The following SEC24A variants were observed in gnomAD, a reference collection of about 807,000 sequenced individuals.
SEC24A encodes the protein SEC24 homolog A, COPII component.
Under a neutral mutation model 129.4 loss-of-function variants are expected in SEC24A, and 93 were observed. That is an observed-to-expected ratio of 0.72 (90% CI 0.61 to 0.85). SEC24A has a LOEUF of 0.85. Ranked by LOEUF, SEC24A falls within the 40% of genes least tolerant of loss-of-function variation. The pLI, the probability that SEC24A is intolerant of heterozygous loss-of-function variation, is 0.00. For missense variants in SEC24A, 1,264 were observed against 1,307.4 expected, an observed-to-expected ratio of 0.97 and a Z score of 0.51; for synonymous variants, 460 against 467.3, an observed-to-expected ratio of 0.98 and a Z score of 0.20.
chr5:134,699,301 C>CGTTTTTTTTTTTTTTTTTTT (rs1429369613), intron 15 of SEC24A, among the ~76,000 whole-genome samples: 4 of 138,370 alleles, frequency 2.9e-5, no homozygotes, highest in African/African-American at 8.3e-5. Context: ...CCATTTTATC[C>CGTTTTTTTTTTTTTTTTTTT]TTTTTTTTTT....
chr5:134,726,198 GCTTT>G lies in SEC24A; in HGVS notation c.*1108_*1111del, dbSNP rs1483327585. 1.3e-5 allele frequency: 2 copies of G among 152,458 alleles called. No individual in the cohort carries two copies. The highest frequency in any genetic ancestry group is 3.9e-4 in the East Asian group (2 of 5,190). 9.4% of individuals were successfully genotyped at this position (152,458 alleles called of 1,614,324 possible). ...GACTTCTGAAAATCCTTAAGAGACT[GCTTT>G]CTTGATTCAGCTAGAGAAATATTAT... On this transcript the variant is annotated 3_prime_UTR_variant, in exon 23 of 23. Transcript: ENST00000398844.
Position 134,675,223 on chromosome 5 carries a change from G to C in SEC24A, c.1151+6G>C, listed in dbSNP as rs374983730. On this transcript the variant is annotated splice_donor_region_variant and intron_variant, in intron 6 of 22. Transcript: ENST00000398844. ...AAACTCAACTGTAACCCAGAGTAAG[G>C]CTTCAGATGTGACATTATGCATGTC... 112 of 1,602,948 alleles carry C rather than the reference G, an allele frequency of 7.0e-5. 1 individual carries two copies. In the Middle Eastern group the frequency reaches 1.5e-3, roughly 21 times the overall value.
intron 20 of SEC24A, among the ~76,000 whole-genome samples, chr5:134,718,841 A>C (rs1210051473): frequency 6.6e-6 from 1 of 151,834 alleles, no homozygotes; most frequent in Non-Finnish European, 1.5e-5. Context: ...GTGGTGGGGC[A>C]TGCCTGTAAT....
At chr5:134,711,728 A>G (rs1310256615) in intron 18 of SEC24A, among the ~76,000 whole-genome samples, 1 of 150,166 alleles carries the variant, frequency 6.7e-6, no homozygotes. Flanking sequence ...ACGGGGTTTC[A>G]CCATGTTGGC....
rs1246644945 is a variant in SEC24A at position 134,727,352 on chromosome 5, G to A, written c.*2258G>A. On this transcript the variant is annotated 3_prime_UTR_variant, in exon 23 of 23. Transcript: ENST00000398844. ...TTGGTATTTAAATCTGAGCATGGCA[G>A]TTCTACCATAAAAAGTACTCTATTT... 6.6e-6 allele frequency: 1 copy of A among 152,390 alleles called. No homozygotes were observed. Among genetic ancestry groups the A allele is most frequent in the Non-Finnish European group, 1.5e-5 (1 of 67,970 alleles). 9.4% of individuals were successfully genotyped at this position (152,390 alleles called of 1,614,324 possible). A position where few individuals can be genotyped will look rare whatever the true frequency, so the allele number is the denominator to read the frequency against.
At chr5:134,685,759 G>A (rs916941692) in intron 9 of SEC24A, among the ~76,000 whole-genome samples, 1 of 152,098 alleles carries the variant, frequency 6.6e-6, no homozygotes, top group Non-Finnish European at 1.5e-5. Flanking sequence ...AGCGAAGGCG[G>A]GCGGATCACA....
intron 17 of SEC24A, among the ~76,000 whole-genome samples, chr5:134,706,903 A>C (rs1752175408): frequency 6.6e-6 from 1 of 151,800 alleles, no homozygotes; most frequent in Non-Finnish European, 1.5e-5. Context: ...GTTGGCCAGG[A>C]TGGTCTCAAT....
At chr5:134,682,815 C>G (rs1023728340) in intron 9 of SEC24A, among the ~76,000 whole-genome samples, 1 of 152,190 alleles carries the variant, frequency 6.6e-6, no homozygotes, top group East Asian at 1.9e-4. Context: ...GATCTGCCCA[C>G]CTTGGCCTCC....
In SEC24A at chr5:134,691,243, G is replaced by GCAAA. The variant is rs536713892; in HGVS notation, c.1724-1358_1724-1357insAAAC. On this transcript the variant is annotated intron_variant, in intron 11 of 22. Transcript: ENST00000398844. ...GGAGTGCAGTGGCGCGATCTTGGTG[G>GCAAA]CTCACTGCAAACTCTGCCTCCTGGG... Among the ~76,000 whole-genome samples the GCAAA allele has an allele frequency of 2.3e-4, 34 of 149,768 alleles. No homozygotes were observed. The East Asian group carries it at 6.7e-3, about 30-fold the overall frequency.
Position 134,708,785 on chromosome 5 carries a change from T to C in SEC24A, c.2624T>C (p.Leu875Pro). ...DALVNAVIDSLSAYRSSVLSN... is the reference protein window; with the variant it reads ...DALVNAVIDSPSAYRSSVLSN... ...CTAGTGAATGCAGTCATTGACTCCC[T>C]TTCAGCTTACCGTTCTTCAGTCTTA... Residue 875 changes from leucine to proline, a missense_variant, in exon 18 of 23, where the codon CTT (leucine) becomes CCT (proline). Physicochemically the swap from Leu to Pro is moderately conservative, Grantham distance 98. Transcript: ENST00000398844. 6.2e-7 allele frequency: 1 copy of C among 1,614,206 alleles called. No homozygotes were observed. The highest frequency in any genetic ancestry group is 1.1e-5 in the South Asian group (1 of 91,084).
chr5:134,651,174 C>G (rs1445027697), intron 1 of SEC24A, among the ~76,000 whole-genome samples: 1 of 149,762 alleles, frequency 6.7e-6, no homozygotes, highest in Non-Finnish European at 1.5e-5. Flanking sequence ...TCACAACTCA[C>G]TGTCACTCCT....
chr5:134,695,958 A>G lies in SEC24A; in HGVS notation c.1987-1168A>G, dbSNP rs183134882. The stretch of plus-strand genomic sequence containing the variant: ...AGACTCTGTCTCAAAAAAAAAAAAA[A>G]AAAGAAAGAAAGAAAATAATGATAG... On this transcript the variant is annotated intron_variant, in intron 13 of 22. Coordinates refer to ENST00000398844, the MANE Select transcript of SEC24A (RefSeq NM_021982.3). Among the ~76,000 whole-genome samples the G allele has an allele frequency of 5.7e-4, 85 of 149,570 alleles. No individual in the cohort carries two copies. In the East Asian group the frequency reaches 7.3e-3, roughly 13 times the overall value.
At position 134,648,949 on chromosome 5, in the gene SEC24A, C is replaced by A. The variant is rs574335603; in HGVS notation, c.-128C>A. ...GCGCCATGCCTCGGGCTTAATGCGC[C>A]CCCCCCTCTTCTCCCAGTCTTCAGT... On this transcript the variant is annotated 5_prime_UTR_variant, in exon 1 of 23. Transcript: ENST00000398844. 21 of 633,212 alleles carry A rather than the reference C, an allele frequency of 3.3e-5. No individual in the cohort carries two copies. Among genetic ancestry groups the A allele is most frequent in the Non-Finnish European group, 4.4e-5 (16 of 364,482 alleles). The allele number at this position is 633,212 out of a possible 1,614,324, so 39.2% of individuals were successfully genotyped here.
chr5:134,693,985 GTGACCATAGAACTT>G (rs751678236), intron 13 of SEC24A, 52 bp downstream of exon 13: 18 of 1,466,132 alleles, frequency 1.2e-5, no homozygotes, highest in Non-Finnish European at 1.6e-5. Context: ...TTCCATCCCT[GTGACCATAGAACTT>G]GTTTTTTCTT....
rs1751513429 is a variant in SEC24A, at chr5:134,688,208, T to G, written c.1632T>G (p.Ile544Met). ...TTCCTGGCAACACTAGAACAAAAAT[T>G]GGCTTCATAACATTTGACAGTACAA... Reference protein sequence around the residue: ...DLLPGNTRTKIGFITFDSTIH... With the variant: ...DLLPGNTRTKMGFITFDSTIH... Residue 544 changes from isoleucine to methionine, a missense_variant, in exon 11 of 23, where the codon ATT becomes ATG. Physicochemically the swap from Ile to Met is conservative, Grantham distance 10 (BLOSUM62 1). Coordinates refer to ENST00000398844, the MANE Select transcript of SEC24A (RefSeq NM_021982.3). 6.2e-7 allele frequency: 1 copy of G among 1,612,606 alleles called. No individual in the cohort carries two copies. Among genetic ancestry groups the G allele is most frequent in the Non-Finnish European group, 8.5e-7 (1 of 1,178,836 alleles).
intron 20 of SEC24A, among the ~76,000 whole-genome samples, chr5:134,720,363 C>T (rs1247301097): frequency 6.6e-6 from 1 of 152,130 alleles, no homozygotes; most frequent in Non-Finnish European, 1.5e-5. Flanking sequence ...TAGGCTATAC[C>T]ATTAAGGCTT....
intron 18 of SEC24A, among the ~76,000 whole-genome samples, chr5:134,712,608 A>G (rs1752359565): frequency 6.6e-6 from 1 of 151,072 alleles, no homozygotes; most frequent in South Asian, 2.1e-4. Context: ...ATAAGTACAC[A>G]GATTACATAA....
At chr5:134,669,162 G>GA (rs779114106) in intron 3 of SEC24A, among the ~76,000 whole-genome samples, 3 of 151,056 alleles carry the variant, frequency 2.0e-5, no homozygotes, top group Non-Finnish European at 3.0e-5. Flanking sequence ...ATTTAAATAA[G>GA]AAAAAAAAAT....
intron 1 of SEC24A, among the ~76,000 whole-genome samples, chr5:134,653,082 G>T (rs533821568): frequency 1.3e-5 from 2 of 151,874 alleles, no homozygotes; most frequent in Admixed American, 1.3e-4. Flanking sequence ...TGGGATTACA[G>T]TTATGAGCCA....
Sources: allele counts gnomAD v4.1 joint callset (sites outside exome capture counted in the v4.1 genomes callset), GRCh38; gene constraint gnomAD v4.1.1; transcripts MANE v1.5; gene names NCBI Gene and HGNC (gene_info 2026-07-23, HGNC 2026-07-21).